Variants in NEK10 observed in about 807,000 individuals in gnomAD.
NEK10 encodes the protein serine/threonine-protein kinase Nek10.
NEK10 carries 122 observed loss-of-function variants against 159.8 expected under a neutral mutation model. The observed-to-expected ratio is 0.76, with a 90% CI of 0.66 to 0.89. NEK10 has a LOEUF of 0.89. NEK10 is among the 40% of genes least tolerant of loss of function. The pLI is 0.00. For synonymous variants in NEK10, 466 were observed against 457.1 expected, an observed-to-expected ratio of 1.02 and a Z score of -0.25; for missense variants, 1,342 against 1,323.1, an observed-to-expected ratio of 1.01 and a Z score of -0.22.
chr3:27,160,132 C>A (rs1218772710), intron 30 of NEK10, among the ~76,000 whole-genome samples: 2 of 151,862 alleles, frequency 1.3e-5, no homozygotes, highest in African/African-American at 2.4e-5. Flanking sequence ...AAAAATAAAT[C>A]ATTCACAAAT....
At chr3:27,175,669 T>C (rs1947432969) in intron 26 of NEK10, among the ~76,000 whole-genome samples, 1 of 152,218 alleles carries the variant, frequency 6.6e-6, no homozygotes, top group African/African-American at 2.4e-5. Context: ...GTTCATTGTA[T>C]GGGACTATTC....
At chr3:27,253,178 A>T (rs1166823823) in intron 23 of NEK10, among the ~76,000 whole-genome samples, 1 of 152,148 alleles carries the variant, frequency 6.6e-6, no homozygotes, top group African/African-American at 2.4e-5. Flanking sequence ...ATACTAAGCC[A>T]TAGACTAATA....
chr3:27,311,976 C>T, intron 8 of NEK10, 123 bp downstream of exon 8: 2 of 705,142 alleles, frequency 2.8e-6, no homozygotes, highest in South Asian at 1.6e-5. Flanking sequence ...GGATGCTCAA[C>T]ACCTGAGCTG....
intron 30 of NEK10, chr3:27,162,458 T>C (rs886666712): frequency 2.5e-6 from 4 of 1,614,008 alleles, no homozygotes; most frequent in Non-Finnish European, 3.4e-6. Flanking sequence ...TAGTAAGTAC[T>C]ACCATGATCT....
intron 14 of NEK10, 102 bp from the exon 15 acceptor site, chr3:27,295,792 A>C: frequency 1.5e-6 from 2 of 1,375,164 alleles, no homozygotes; most frequent in Non-Finnish European, 1.9e-6. Context: ...CAAAGAAGAA[A>C]TATTAGTATA....
chr3:27,272,906 G>A (rs775041827), intron 22 of NEK10, among the ~76,000 whole-genome samples: 1 of 152,136 alleles, frequency 6.6e-6, no homozygotes, highest in African/African-American at 2.4e-5. Flanking sequence ...TTCTCTGAAG[G>A]TCACTCAGAT....
At chr3:27,164,848 C>T (rs1282139730) in intron 29 of NEK10, among the ~76,000 whole-genome samples, 1 of 152,202 alleles carries the variant, frequency 6.6e-6, no homozygotes, top group Non-Finnish European at 1.5e-5. Flanking sequence ...GATAATCACT[C>T]ACATGATGAG....
intron 27 of NEK10, 47 bp downstream of exon 27, chr3:27,174,603 C>T: frequency 1.3e-6 from 2 of 1,595,914 alleles, no homozygotes; most frequent in Non-Finnish European, 8.5e-7. Flanking sequence ...CATGTTGACA[C>T]ACTGCCACTA....
In NEK10 at chr3:27,189,279, C is replaced by T. The variant is rs1230228295; in HGVS notation, c.2505+2750G>A. Among the ~76,000 whole-genome samples, 5 of 152,056 alleles carry T rather than the reference C, an allele frequency of 3.3e-5. No individual in the cohort carries two copies. In the East Asian group the frequency reaches 7.7e-4, roughly 24 times the overall value. On this transcript the variant is annotated intron_variant, in intron 26 of 35. Coordinates refer to ENST00000691995, the MANE Select transcript of NEK10 (RefSeq NM_001394966.1). ...GTTTACTAGGCCACTATAAAAATTG[C>T]CATAATTAAGAATAGACTAAAATAT...
intron 30 of NEK10, among the ~76,000 whole-genome samples, chr3:27,149,015 A>G (rs780396337): frequency 1.3e-5 from 2 of 152,276 alleles, no homozygotes; most frequent in South Asian, 4.1e-4. Context: ...CTTGGCATGA[A>G]GAATGAGGAA....
chr3:27,265,385 T>C (rs558328240), intron 22 of NEK10, among the ~76,000 whole-genome samples: 1 of 152,362 alleles, frequency 6.6e-6, no homozygotes, highest in African/African-American at 2.4e-5. Context: ...TCCAGTTTTT[T>C]CTCTCACCAG....
chr3:27,246,841 G>A (rs935969767), intron 23 of NEK10, among the ~76,000 whole-genome samples: 2 of 151,880 alleles, frequency 1.3e-5, no homozygotes, highest in Non-Finnish European at 2.9e-5. Flanking sequence ...TAATTCCTAG[G>A]TATTTTACTT....
At chr3:27,285,846 T>G (rs2042554910) in intron 20 of NEK10, among the ~76,000 whole-genome samples, 1 of 152,202 alleles carries the variant, frequency 6.6e-6, no homozygotes. Flanking sequence ...ATACCATTCT[T>G]TCTGCTGGTT....
chr3:27,254,648 G>A (rs1955998186), intron 23 of NEK10, among the ~76,000 whole-genome samples: 1 of 150,682 alleles, frequency 6.6e-6, no homozygotes, highest in Non-Finnish European at 1.5e-5. Context: ...AGAGAAGGGA[G>A]TAGAAAGAAA....
chr3:27,260,965 C>A (rs28832278), intron 22 of NEK10, among the ~76,000 whole-genome samples: 1 of 151,998 alleles, frequency 6.6e-6, no homozygotes, highest in African/African-American at 2.4e-5. Context: ...TGTATGTGTC[C>A]AGGAATTTAT....
chr3:27,284,653 C>A lies in NEK10; in HGVS notation c.1963G>T (p.Asp655Tyr). The A allele has an allele frequency of 6.2e-7, 1 of 1,610,134 alleles. No individual in the cohort carries two copies. Reference protein sequence around the residue: ...LHKEKRIVHRDLTPNNIMLGD... With the variant: ...LHKEKRIVHRYLTPNNIMLGD... ...AACATAATGTTGTTTGGTGTCAGAT[C>A]TCTATGGACAATCCTCTTCTCCTTG... is the stretch of plus-strand genomic sequence containing the variant. The change falls in exon 22 of 36, where the codon GAT becomes TAT. Residue 655 changes from aspartate to tyrosine, a missense_variant. Coordinates refer to ENST00000691995, the MANE Select transcript of NEK10 (RefSeq NM_001394966.1).
intron 26 of NEK10, among the ~76,000 whole-genome samples, chr3:27,187,813 G>C (rs1575158100): frequency 6.6e-6 from 1 of 151,612 alleles, no homozygotes; most frequent in Non-Finnish European, 1.5e-5. Context: ...TTGCTTGTTA[G>C]GTATTTTGGA....
At chr3:27,120,566 C>A (rs1467079668) in intron 32 of NEK10, among the ~76,000 whole-genome samples, 1 of 151,630 alleles carries the variant, frequency 6.6e-6, no homozygotes, top group Admixed American at 6.6e-5. Context: ...CTGACCTCAG[C>A]TGATCCACCC....
intron 19 of NEK10, among the ~76,000 whole-genome samples, chr3:27,290,102 A>AG (rs1398501173): frequency 6.6e-6 from 1 of 152,224 alleles, no homozygotes; most frequent in Non-Finnish European, 1.5e-5. Context: ...TTCCTCCTCA[A>AG]ACAAACTTTC....
Sources: gnomAD v4.1 joint callset for allele counts (sites outside exome capture counted in the v4.1 genomes callset) on GRCh38, gnomAD v4.1.1 for gene constraint, MANE v1.5 for transcripts, NCBI Gene and HGNC (gene_info 2026-07-23, HGNC 2026-07-21) for gene names.